Variants in DHDDS observed in about 807,000 individuals in gnomAD.
The protein encoded by DHDDS is dehydrodolichyl diphosphate synthase subunit.
In DHDDS, 16 loss-of-function variants were observed where a neutral mutation model predicts 46.2. The ratio of observed to expected loss-of-function variants is 0.35; its 90% confidence interval spans 0.23 to 0.53. The LOEUF (loss-of-function observed/expected upper bound fraction) is 0.53. DHDDS is among the 20% of genes least tolerant of loss of function. DHDDS has a pLI of 0.94. For missense variants in DHDDS, 340 were observed against 423.7 expected (o/e 0.80, Z 1.73); for synonymous variants, 151 against 163.1 (o/e 0.93, Z 0.56).
At chr1:26,463,084 C>G (rs1163926598) in intron 8 of DHDDS, among the ~76,000 whole-genome samples, 1 of 152,088 alleles carries the variant, frequency 6.6e-6, no homozygotes, top group Non-Finnish European at 1.5e-5. Context: ...TCATATAGAG[C>G]CTTGTAGGTC....
At chr1:26,458,609 G>A (rs1001567109) in intron 7 of DHDDS, among the ~76,000 whole-genome samples, 7 of 152,088 alleles carry the variant, frequency 4.6e-5, no homozygotes, top group Middle Eastern at 3.4e-3. Context: ...ATGGTGGCAG[G>A]TGCCTGTAGT....
At chr1:26,444,898 A>G (rs2075253870) in intron 4 of DHDDS, among the ~76,000 whole-genome samples, 1 of 152,246 alleles carries the variant, frequency 6.6e-6, no homozygotes, top group Admixed American at 6.5e-5. Flanking sequence ...ACTGCCTTCA[A>G]TTAATCTCCC....
At chr1:26,444,816 G>T (rs947322295) in intron 4 of DHDDS, among the ~76,000 whole-genome samples, 32 of 152,066 alleles carry the variant, frequency 2.1e-4, no homozygotes, top group African/African-American at 6.5e-4. Context: ...CTTACACATG[G>T]TCACACATCA....
chr1:26,468,825 CT>C, intron 8 of DHDDS, 69 bp from the exon 9 acceptor site: 3 of 1,578,124 alleles, frequency 1.9e-6, no homozygotes, highest in East Asian at 2.3e-5. Flanking sequence ...CACCCCCTAC[CT>C]CCTCCATCCC....
At chr1:26,467,201 G>T (rs1208820929) in intron 8 of DHDDS, 1 of 404,486 alleles carries the variant, frequency 2.5e-6, no homozygotes, top group Non-Finnish European at 5.3e-6. Context: ...GGCACTCTGT[G>T]TGCATGGCTG....
intron 5 of DHDDS, 82 bp downstream of exon 5, chr1:26,446,514 T>C: frequency 1.5e-6 from 2 of 1,317,560 alleles, no homozygotes; most frequent in Non-Finnish European, 2.2e-6. Flanking sequence ...TGGGCTTTCC[T>C]TGGTCTGGAT....
chr1:26,449,015 T>C (rs2075294953), intron 6 of DHDDS, among the ~76,000 whole-genome samples: 1 of 152,218 alleles, frequency 6.6e-6, no homozygotes, highest in Non-Finnish European at 1.5e-5. Context: ...ATGCCTCTCC[T>C]TCCTAACAGC....
chr1:26,443,108 T>G, intron 4 of DHDDS: 1 of 628,590 alleles, frequency 1.6e-6, no homozygotes. Context: ...TCACATGATT[T>G]AAGAACAAGT....
chr1:26,445,384 A>C (rs973351721), intron 4 of DHDDS, among the ~76,000 whole-genome samples: 1 of 152,210 alleles, frequency 6.6e-6, no homozygotes. Context: ...AACTGCCCAA[A>C]AAGGACACAT....
At chr1:26,466,859 G>A (rs1570367970) in intron 8 of DHDDS, among the ~76,000 whole-genome samples, 1 of 152,220 alleles carries the variant, frequency 6.6e-6, no homozygotes, top group South Asian at 2.1e-4. Flanking sequence ...ACCCAGTGAG[G>A]TGGGTACTCT....
chr1:26,434,042 C>G (rs1397758383), intron 2 of DHDDS, among the ~76,000 whole-genome samples: 1 of 152,120 alleles, frequency 6.6e-6, no homozygotes, highest in Non-Finnish European at 1.5e-5. Flanking sequence ...CCTGAAAGTC[C>G]AGTTCTATCA....
At chr1:26,445,446 C>G (rs1460410337) in intron 4 of DHDDS, among the ~76,000 whole-genome samples, 7 of 152,188 alleles carry the variant, frequency 4.6e-5, no homozygotes, top group Admixed American at 2.6e-4. Flanking sequence ...GACATGGTGG[C>G]TCACACCTGT....
At chr1:26,462,811 C>G (rs2075438231) in intron 8 of DHDDS, 2 of 152,166 alleles carry the variant, frequency 1.3e-5, no homozygotes, top group Admixed American at 1.3e-4. Context: ...CTGTATTAGG[C>G]ACAGGAGAGT....
At chr1:26,454,934 T>C in intron 6 of DHDDS, 2 of 1,602,528 alleles carry the variant, frequency 1.2e-6, no homozygotes, top group Non-Finnish European at 8.5e-7. Flanking sequence ...AGCACTCTTT[T>C]TGGGCCACTG....
rs180671263 is a variant in DHDDS, at chr1:26,453,018, G to A, written c.543-4773G>A. Among the ~76,000 whole-genome samples the A allele has an allele frequency of 3.0e-4, 45 of 152,098 alleles. No homozygotes were observed. The East Asian group carries it at 8.3e-3, about 28-fold the overall frequency. Reference sequence around the variant, plus strand: ...GAGTGAGGAGGATTACTTGAGCCTAGCAGGTCGAGGCTGCAATGAGCTATG... The same window carrying A: ...GAGTGAGGAGGATTACTTGAGCCTAACAGGTCGAGGCTGCAATGAGCTATG... On this transcript the variant is annotated intron_variant, in intron 6 of 8. Coordinates refer to ENST00000236342, the MANE Select transcript of DHDDS (RefSeq NM_205861.3).
At position 26,455,003 on chromosome 1, in the gene DHDDS, C is replaced by T. The variant is rs145804287; in HGVS notation, c.543-2788C>T. On this transcript the variant is annotated intron_variant, in intron 6 of 8. Coordinates refer to ENST00000236342, the MANE Select transcript of DHDDS (RefSeq NM_205861.3). ...ACACCTGCCAGCTCCACCATTGTAA[C>T]GTCGGAATGGTACGCACTGTTTCTG... 5.2e-4 allele frequency: 760 copies of T among 1,455,048 alleles called. 4 individuals are homozygous for T. In the African/African-American group the frequency reaches 9.4e-3, roughly 18 times the overall value. 90.1% of individuals were successfully genotyped at this position (1,455,048 alleles called of 1,614,324 possible).
intron 8 of DHDDS, among the ~76,000 whole-genome samples, chr1:26,465,349 G>GTATGTATGCATA (rs902430652): frequency 6.6e-6 from 1 of 152,162 alleles, no homozygotes; most frequent in Non-Finnish European, 1.5e-5. Context: ...CTTGAGTTAT[G>GTATGTATGCATA]TATGTATGCA....
intron 6 of DHDDS, among the ~76,000 whole-genome samples, chr1:26,453,888 T>C (rs2075344570): frequency 1.3e-5 from 2 of 152,234 alleles, no homozygotes; most frequent in African/African-American, 4.8e-5. Flanking sequence ...TGGATTTTTG[T>C]TGGCCAAAGT....
rs150733119 is a variant in DHDDS at position 26,455,408 on chromosome 1, G to A, written c.543-2383G>A. ...ACTGTTTCCTCTGTGATGATGATACGGAAAAGAAAGCTCTCTCTGTGGTTT... is the reference window on the plus strand; with the variant it reads ...ACTGTTTCCTCTGTGATGATGATACAGAAAAGAAAGCTCTCTCTGTGGTTT... On this transcript the variant is annotated intron_variant, in intron 6 of 8. Transcript: ENST00000236342. Among the ~76,000 whole-genome samples, 566 of 152,158 alleles carry A rather than the reference G, an allele frequency of 3.7e-3. 8 individuals carry two copies. Among genetic ancestry groups the A allele is most frequent in the East Asian group, 0.01 (52 of 5,190 alleles).
Sources: gnomAD v4.1 joint callset for allele counts (sites outside exome capture counted in the v4.1 genomes callset) on GRCh38, gnomAD v4.1.1 for gene constraint, MANE v1.5 for transcripts, NCBI Gene and HGNC (gene_info 2026-07-23, HGNC 2026-07-21) for gene names.